FGGY: variants seen among roughly 807,000 people sequenced by gnomAD.
FGGY encodes the protein FGGY carbohydrate kinase domain-containing protein.
Under a neutral mutation model 71.3 loss-of-function variants are expected in FGGY, and 72 were observed. The observed-to-expected ratio is 1.01, with a 90% CI of 0.84 to 1.23. The LOEUF (loss-of-function observed/expected upper bound fraction) is 1.23. Ranked by LOEUF, FGGY falls within the 50% of genes most tolerant of loss-of-function variation. FGGY has a pLI of 0.00. For synonymous variants in FGGY, 251 were observed against 250.3 expected (o/e 1.00, Z -0.02); for missense variants, 668 against 682.3 (o/e 0.98, Z 0.23).
At chr1:59,417,900 T>C (rs1273952395) in intron 5 of FGGY, among the ~76,000 whole-genome samples, 4 of 152,206 alleles carry the variant, frequency 2.6e-5, no homozygotes, top group African/African-American at 9.7e-5. Context: ...TTTCAAGTGC[T>C]CAGTTGCTGT....
At chr1:59,367,937 T>C (rs891630332) in intron 4 of FGGY, among the ~76,000 whole-genome samples, 2 of 152,226 alleles carry the variant, frequency 1.3e-5, no homozygotes, top group African/African-American at 4.8e-5. Context: ...TCTCTTTGGT[T>C]GCTTTAAGCT....
intron 6 of FGGY, among the ~76,000 whole-genome samples, chr1:59,471,722 T>C (rs951150303): frequency 1.3e-5 from 2 of 152,200 alleles, no homozygotes; most frequent in African/African-American, 4.8e-5. Flanking sequence ...GGCTAAGTCC[T>C]AGGGATACAA....
At chr1:59,693,024 A>G (rs1032407848) in intron 14 of FGGY, among the ~76,000 whole-genome samples, 1 of 152,240 alleles carries the variant, frequency 6.6e-6, no homozygotes, top group Non-Finnish European at 1.5e-5. Context: ...CATTAATTTT[A>G]TCATCATTAT....
chr1:59,520,510 A>G (rs1052685604), intron 7 of FGGY, among the ~76,000 whole-genome samples: 6 of 151,470 alleles, frequency 4.0e-5, no homozygotes, highest in African/African-American at 1.2e-4. Context: ...AGCACCAATC[A>G]CTCTCTATGC....
chr1:59,338,182 G>A (rs2049982786), intron 2 of FGGY, among the ~76,000 whole-genome samples: 1 of 152,128 alleles, frequency 6.6e-6, no homozygotes, highest in South Asian at 2.1e-4. Flanking sequence ...TTCCTGGGAT[G>A]ACTCCACATA....
intron 1 of FGGY, among the ~76,000 whole-genome samples, chr1:59,311,474 T>C (rs534316938): frequency 3.5e-4 from 53 of 152,190 alleles, no homozygotes; most frequent in Non-Finnish European, 6.3e-4. Context: ...CTCCCACTTA[T>C]GAGTGAGAAC....
intron 7 of FGGY, among the ~76,000 whole-genome samples, chr1:59,513,205 T>C (rs1020771321): frequency 6.6e-6 from 1 of 152,240 alleles, no homozygotes; most frequent in Non-Finnish European, 1.5e-5. Flanking sequence ...TTTTAAACTA[T>C]GATTTATAAT....
chr1:59,317,929 G>C (rs536887035), intron 1 of FGGY, among the ~76,000 whole-genome samples: 1 of 152,268 alleles, frequency 6.6e-6, no homozygotes, highest in East Asian at 1.9e-4. Flanking sequence ...GTTGTGGAAG[G>C]GTCAGTCTCT....
intron 1 of FGGY, among the ~76,000 whole-genome samples, chr1:59,311,047 C>T (rs950769339): frequency 6.6e-6 from 1 of 152,084 alleles, no homozygotes; most frequent in African/African-American, 2.4e-5. Flanking sequence ...TTTATCGTGA[C>T]ATCAGGTAGT....
chr1:59,346,722 CA>C (rs1458848381), intron 4 of FGGY, among the ~76,000 whole-genome samples: 1 of 152,120 alleles, frequency 6.6e-6, no homozygotes, highest in Non-Finnish European at 1.5e-5. Flanking sequence ...AGAGATAAAA[CA>C]ACTCACTCAA....
intron 2 of FGGY, among the ~76,000 whole-genome samples, chr1:59,333,904 C>CTACCAGCTGCTGACT (rs2048967455): frequency 1.3e-5 from 2 of 152,154 alleles, no homozygotes; most frequent in Non-Finnish European, 2.9e-5. Context: ...TACCAGCAGT[C>CTACCAGCTGCTGACT]ACAGATGGGT....
chr1:59,699,043 C>G (rs2097688203), intron 14 of FGGY: 6 of 985,352 alleles, frequency 6.1e-6, no homozygotes, highest in Non-Finnish European at 7.2e-6. Context: ...ACTAACATAG[C>G]TACATTTTTC....
chr1:59,309,466 A>C (rs1209587575), intron 1 of FGGY, among the ~76,000 whole-genome samples: 1 of 152,134 alleles, frequency 6.6e-6, no homozygotes, highest in African/African-American at 2.4e-5. Flanking sequence ...GCAGGGAGCT[A>C]AGGTTAGAAA....
At chr1:59,627,489 T>C (rs4912217) in intron 10 of FGGY, among the ~76,000 whole-genome samples, 7,259 of 92,456 alleles carry the variant, frequency 0.079, 458 homozygotes, top group African/African-American at 0.23. Context: ...TATATATATA[T>C]ACACACACAC....
At chr1:59,725,541 C>T (rs939223618) in intron 14 of FGGY, among the ~76,000 whole-genome samples, 10 of 151,996 alleles carry the variant, frequency 6.6e-5, no homozygotes, top group African/African-American at 2.4e-4. Flanking sequence ...TTTATTTCAT[C>T]AGAGTTTTGT....
At chr1:59,542,262 A>G (rs1443057832) in intron 7 of FGGY, among the ~76,000 whole-genome samples, 1 of 151,960 alleles carries the variant, frequency 6.6e-6, no homozygotes, top group Non-Finnish European at 1.5e-5. Flanking sequence ...GAGGACAGAG[A>G]TTACATTTTT....
rs564704935 is a variant in FGGY at position 59,380,698 on chromosome 1, T to C, written c.554+1861T>C. 4.9e-4 allele frequency among the ~76,000 whole-genome samples: 75 copies of C among 151,764 alleles called. 2 individuals are homozygous for C. The highest frequency in any genetic ancestry group is 1.8e-3 in the African/African-American group (72 of 40,994). ...TTGTAGATTCTGGATATTAGTCCTT[T>C]GTCAGATGAGTAGATTGCAAAAATT... On this transcript the variant is annotated intron_variant, in intron 5 of 15. Transcript: ENST00000303721.
At chr1:59,367,517 C>T (rs1342056006) in intron 4 of FGGY, among the ~76,000 whole-genome samples, 3 of 152,148 alleles carry the variant, frequency 2.0e-5, no homozygotes, top group Non-Finnish European at 2.9e-5. Context: ...GGGAGCTGTT[C>T]CCTCCCTTTT....
At chr1:59,475,710 G>C (rs4912213) in intron 6 of FGGY, among the ~76,000 whole-genome samples, 1 of 151,928 alleles carries the variant, frequency 6.6e-6, no homozygotes, top group Admixed American at 6.6e-5. Flanking sequence ...AAGTGGACCC[G>C]GAATGAGGCA....
Sources: allele counts gnomAD v4.1 joint callset (sites outside exome capture counted in the v4.1 genomes callset), GRCh38; gene constraint gnomAD v4.1.1; transcripts MANE v1.5; gene names NCBI Gene and HGNC (gene_info 2026-07-23, HGNC 2026-07-21).